The following NRXN3 variants were observed in gnomAD, a reference collection of about 807,000 sequenced individuals.
NRXN3 encodes the protein neurexin III.
A neutral mutation model predicts 137.6 loss-of-function variants in NRXN3; 32 were observed. The observed-to-expected ratio is 0.23, with a 90% CI of 0.18 to 0.31. NRXN3 has a LOEUF of 0.31. NRXN3 is among the 10% of genes least tolerant of loss of function. NRXN3 has a pLI of 1.00. For synonymous variants in NRXN3, 798 were observed against 784.5 expected (o/e 1.02, Z -0.29); for missense variants, 1,574 against 2,062.5 (o/e 0.76, Z 4.59).
chr14:78,562,955 C>T (rs534795061), intron 4 of NRXN3, among the ~76,000 whole-genome samples: 1 of 152,152 alleles, frequency 6.6e-6, no homozygotes, highest in African/African-American at 2.4e-5. Context: ...TGTTTTTCCA[C>T]TTTATGTGAC....
intron 16 of NRXN3, among the ~76,000 whole-genome samples, chr14:79,650,647 T>A (rs78112762): frequency 0.04 from 6,105 of 152,296 alleles, 169 homozygotes; most frequent in Non-Finnish European, 0.064. Context: ...GAATGCCAGA[T>A]GTATTTATCT....
At chr14:78,341,877 C>A (rs2082180713) in intron 4 of NRXN3, among the ~76,000 whole-genome samples, 1 of 152,190 alleles carries the variant, frequency 6.6e-6, no homozygotes, top group Admixed American at 6.5e-5. Context: ...AGGATCCCTT[C>A]TTGAGGGGAC....
chr14:79,750,755 C>T (rs951795484), intron 19 of NRXN3, among the ~76,000 whole-genome samples: 1 of 152,056 alleles, frequency 6.6e-6, no homozygotes, highest in African/African-American at 2.4e-5. Flanking sequence ...TCTGTGGAGT[C>T]GCAAGGACTC....
intron 16 of NRXN3, among the ~76,000 whole-genome samples, chr14:79,497,283 C>T (rs533609276): frequency 6.6e-6 from 1 of 152,026 alleles, no homozygotes; most frequent in Non-Finnish European, 1.5e-5. Flanking sequence ...AACCATAATC[C>T]CCCATGAACC....
At chr14:79,760,103 CTG>C (rs2099033263) in intron 19 of NRXN3, among the ~76,000 whole-genome samples, 2 of 151,550 alleles carry the variant, frequency 1.3e-5, no homozygotes, top group African/African-American at 4.9e-5. Context: ...AAATTTCCAA[CTG>C]AGTACATCAG....
At position 79,863,383 on chromosome 14, in the gene NRXN3, A is replaced by C. The variant is rs1319978946; in HGVS notation, c.*1419A>C. 1 of 151,756 alleles carries C rather than the reference A, an allele frequency of 6.6e-6. No individual in the cohort carries two copies. The highest frequency in any genetic ancestry group is 2.4e-5 in the African/African-American group (1 of 41,308). The allele number at this position is 151,756 out of a possible 1,614,324, so 9.4% of individuals were successfully genotyped here. On this transcript the variant is annotated 3_prime_UTR_variant, in exon 21 of 21. Coordinates refer to ENST00000335750, the MANE Select transcript of NRXN3 (RefSeq NM_001330195.2). Reference sequence around the variant, plus strand: ...GTTTGATGGGATGACTGACACAGGAAATCTGTTAAAGTCTTAAAATGGAAT... The same window carrying C: ...GTTTGATGGGATGACTGACACAGGACATCTGTTAAAGTCTTAAAATGGAAT...
rs548160290 is a variant in NRXN3, at chr14:78,276,666, A to G, written c.710-1979A>G. Among the ~76,000 whole-genome samples, 4 of 152,316 alleles carry G rather than the reference A, an allele frequency of 2.6e-5. No individual in the cohort carries two copies. The South Asian group carries it at 8.3e-4, about 32-fold the overall frequency. On this transcript the variant is annotated intron_variant, in intron 2 of 20. Transcript: ENST00000335750. The stretch of plus-strand genomic sequence containing the variant: ...CAGAGAGGCTGGGATTTGAACCCAG[A>G]CCTGTCCGCCTCTGAAATTTAAGAT...
intron 15 of NRXN3, among the ~76,000 whole-genome samples, chr14:79,185,764 G>A (rs766099019): frequency 3.9e-4 from 60 of 151,928 alleles, no homozygotes; most frequent in African/African-American, 5.6e-4. Context: ...CACCGTACCC[G>A]GCCCATACTT....
chr14:78,941,539 T>G (rs1406562052), intron 10 of NRXN3, among the ~76,000 whole-genome samples: 1 of 152,168 alleles, frequency 6.6e-6, no homozygotes, highest in African/African-American at 2.4e-5. Flanking sequence ...AGAAGCACCA[T>G]TGGTTATGGA....
intron 4 of NRXN3, among the ~76,000 whole-genome samples, chr14:78,303,138 T>C (rs1349880741): frequency 6.6e-6 from 1 of 152,200 alleles, no homozygotes; most frequent in Non-Finnish European, 1.5e-5. Flanking sequence ...AAATAACCTC[T>C]CTAGAATTTC....
In NRXN3 at chr14:79,653,980, G is replaced by A. The variant is rs1190297701; in HGVS notation, c.3445-9798G>A. ...CCCCACTCTGGGTTTTATACCCCAG[G>A]GGCAATATGACTCAATAAGCTGAAG... On this transcript the variant is annotated intron_variant, in intron 16 of 20. Transcript: ENST00000335750. 3.3e-5 allele frequency among the ~76,000 whole-genome samples: 5 copies of A among 152,158 alleles called. No homozygotes were observed. In the East Asian group the frequency reaches 9.6e-4, roughly 29 times the overall value.
chr14:79,865,198 T>C lies in NRXN3; in HGVS notation c.*3234T>C, dbSNP rs1241763210. 6.6e-6 allele frequency: 1 copy of C among 152,196 alleles called. No individual in the cohort carries two copies. The highest frequency in any genetic ancestry group is 2.4e-5 in the African/African-American group (1 of 41,460). 9.4% of individuals were successfully genotyped at this position (152,196 alleles called of 1,614,324 possible). On this transcript the variant is annotated 3_prime_UTR_variant, in exon 21 of 21. Coordinates refer to ENST00000335750, the MANE Select transcript of NRXN3 (RefSeq NM_001330195.2). ...TCTTCTTTCCAAGCCTCCCACCATA[T>C]TAAAATTTAAAATTAAAAAACAGAA...
At chr14:78,571,891 C>T (rs1165560336) in intron 4 of NRXN3, among the ~76,000 whole-genome samples, 1 of 152,022 alleles carries the variant, frequency 6.6e-6, no homozygotes, top group African/African-American at 2.4e-5. Flanking sequence ...CCTCCTGAAC[C>T]CTGTGATTTC....
chr14:79,768,012 G>C lies in NRXN3; in HGVS notation c.4015-37100G>C, dbSNP rs549033323. ...TTCCTAGTCAAAGAAAGTGGTGACA[G>C]ACGGCACCTGGAAAATTGGGTCACT... On this transcript the variant is annotated intron_variant, in intron 19 of 20. Coordinates refer to ENST00000335750, the MANE Select transcript of NRXN3 (RefSeq NM_001330195.2). Among the ~76,000 whole-genome samples the C allele has an allele frequency of 1.1e-4, 17 of 152,344 alleles. No homozygotes were observed. In the South Asian group the frequency reaches 2.7e-3, roughly 24 times the overall value.
intron 4 of NRXN3, among the ~76,000 whole-genome samples, chr14:78,460,527 G>T (rs547116125): frequency 6.6e-6 from 1 of 152,306 alleles, no homozygotes; most frequent in African/African-American, 2.4e-5. Context: ...TGGCATTTTG[G>T]GAGGGGGTAT....
chr14:78,256,174 T>C (rs575261884), intron 2 of NRXN3, among the ~76,000 whole-genome samples: 4 of 152,166 alleles, frequency 2.6e-5, no homozygotes, highest in Admixed American at 6.5e-5. Context: ...GAATGGCTGT[T>C]TGAGGCAGGC....
chr14:79,815,033 C>T (rs1440069773), intron 20 of NRXN3, among the ~76,000 whole-genome samples: 1 of 152,188 alleles, frequency 6.6e-6, no homozygotes, highest in East Asian at 1.9e-4. Flanking sequence ...AGAGCCAACA[C>T]TTCAACTTTG....
intron 19 of NRXN3, among the ~76,000 whole-genome samples, chr14:79,797,713 T>C (rs982563527): frequency 1.3e-5 from 2 of 152,046 alleles, no homozygotes; most frequent in South Asian, 2.1e-4. Flanking sequence ...TTAAATTGAG[T>C]GAGTGAGAGG....
intron 20 of NRXN3, among the ~76,000 whole-genome samples, chr14:79,840,853 C>T (rs1001012765): frequency 2.0e-5 from 3 of 152,112 alleles, no homozygotes; most frequent in African/African-American, 7.2e-5. Flanking sequence ...CTTTCTCTGT[C>T]CTCATATTTG....
Sources: allele counts gnomAD v4.1 joint callset (sites outside exome capture counted in the v4.1 genomes callset), GRCh38; gene constraint gnomAD v4.1.1; transcripts MANE v1.5; gene names NCBI Gene and HGNC (gene_info 2026-07-23, HGNC 2026-07-21).